LAMA4: variants seen among roughly 807,000 people sequenced by gnomAD.
LAMA4 encodes laminin subunit alpha 4, also known as laminin subunit alpha-4.
Under a neutral mutation model 207.1 loss-of-function variants are expected in LAMA4, and 127 were observed. The ratio of observed to expected loss-of-function variants is 0.61; its 90% CI spans 0.53 to 0.71. The LOEUF is 0.71. Among genes scored for constraint, LAMA4 ranks in the 30% least tolerant of loss-of-function variants. The pLI, the probability that LAMA4 is intolerant of heterozygous loss-of-function variation, is 0.00. For synonymous variants in LAMA4, 761 were observed against 816.0 expected (o/e 0.93, Z 1.15); for missense variants, 2,093 against 2,246.5 (o/e 0.93, Z 1.38).
chr6:112,187,325 A>G (rs1782744669), intron 8 of LAMA4, 125 bp downstream of exon 8: 23 of 1,061,018 alleles, frequency 2.2e-5, no homozygotes, highest in Non-Finnish European at 3.2e-5. Flanking sequence ...TGTTAGACCT[A>G]CAGGTCTAAC....
chr6:112,252,054 T>A (rs1378865974), intron 2 of LAMA4, among the ~76,000 whole-genome samples: 6 of 152,252 alleles, frequency 3.9e-5, no homozygotes, highest in African/African-American at 7.2e-5. Context: ...CTGATCATCA[T>A]CCACATTTTT....
At chr6:112,153,733 A>G (rs1211331360) in intron 16 of LAMA4, among the ~76,000 whole-genome samples, 1 of 152,168 alleles carries the variant, frequency 6.6e-6, no homozygotes, top group Non-Finnish European at 1.5e-5. Context: ...TAATATTCTA[A>G]TTCTTCACTA....
At chr6:112,190,517 T>A (rs1782954431) in intron 6 of LAMA4, among the ~76,000 whole-genome samples, 1 of 152,178 alleles carries the variant, frequency 6.6e-6, no homozygotes, top group Admixed American at 6.5e-5. Context: ...TATTTCCTGC[T>A]CTCCCACTCT....
chr6:112,161,659 A>G (rs139288688), intron 13 of LAMA4, among the ~76,000 whole-genome samples: 173 of 152,318 alleles, frequency 1.1e-3, no homozygotes, highest in African/African-American at 3.8e-3. Context: ...AAACAAGCAA[A>G]CAAGCTAATT....
At chr6:112,139,387 G>T in intron 23 of LAMA4, 96 bp from the exon 24 acceptor site, 1 of 1,311,836 alleles carries the variant, frequency 7.6e-7, no homozygotes, top group Non-Finnish European at 1.1e-6. Context: ...ATCTTCTGTG[G>T]ACCTTACAAC....
intron 5 of LAMA4, among the ~76,000 whole-genome samples, chr6:112,197,235 AC>A (rs1783473866): frequency 6.6e-6 from 1 of 152,134 alleles, no homozygotes; most frequent in South Asian, 2.1e-4. Context: ...CATGTCCAAC[AC>A]GGGGAGTTTA....
intron 22 of LAMA4, among the ~76,000 whole-genome samples, chr6:112,140,195 T>G (rs1450195117): frequency 6.6e-6 from 1 of 152,208 alleles, no homozygotes; most frequent in Non-Finnish European, 1.5e-5. Flanking sequence ...TCTCATATAA[T>G]GAGAGGGAAA....
At chr6:112,111,411 T>G (rs913460749) in intron 38 of LAMA4, among the ~76,000 whole-genome samples, 1 of 152,244 alleles carries the variant, frequency 6.6e-6, no homozygotes, top group Admixed American at 6.5e-5. Flanking sequence ...ACTTTTTTGG[T>G]GTGTAGTTCT....
At chr6:112,226,664 C>T (rs1235535664) in intron 2 of LAMA4, among the ~76,000 whole-genome samples, 4 of 152,158 alleles carry the variant, frequency 2.6e-5, no homozygotes, top group Non-Finnish European at 4.4e-5. Flanking sequence ...CATAGTCATT[C>T]GCAAATAGCA....
chr6:112,140,801 C>T lies in LAMA4; in HGVS notation c.2935G>A (p.Asp979Asn), dbSNP rs782472104. Reference protein sequence around the residue: ...DDSLLDLDPEDTVFYVGGVPS... With the variant: ...DDSLLDLDPENTVFYVGGVPS... ...ACTCCACCAACATAAAACACTGTGTCCTCAGGGTCCAGGTCCAGCAGAGAG... is the reference window on the plus strand; with the variant it reads ...ACTCCACCAACATAAAACACTGTGTTCTCAGGGTCCAGGTCCAGCAGAGAG... The change falls in exon 22 of 39, where the codon GAC (aspartate) becomes AAC (asparagine). Residue 979 changes from aspartate (D) to asparagine (N), a missense_variant. Coordinates refer to ENST00000230538, the MANE Select transcript of LAMA4 (RefSeq NM_001105206.3). The T allele has an allele frequency of 4.3e-6, 7 of 1,613,940 alleles. No homozygotes were observed. Among genetic ancestry groups the T allele is most frequent in the Non-Finnish European group, 5.1e-6 (6 of 1,179,980 alleles).
chr6:112,173,425 G>GACA (rs1781840595), intron 11 of LAMA4, among the ~76,000 whole-genome samples: 1 of 152,198 alleles, frequency 6.6e-6, no homozygotes, highest in South Asian at 2.1e-4. Flanking sequence ...TTGTCTTGTT[G>GACA]AGATTTTCTT....
In LAMA4 at chr6:112,178,126, A is replaced by G. The variant is rs535471835; in HGVS notation, c.1184T>C (p.Ile395Thr). The G allele has an allele frequency of 1.2e-6, 2 of 1,605,128 alleles. No individual in the cohort carries two copies. Among genetic ancestry groups the G allele is most frequent in the Admixed American group, 1.7e-5 (1 of 59,994 alleles). Residue 395 changes from isoleucine (I) to threonine (T), a missense_variant, in exon 10 of 39, where the codon ATC becomes ACC. By Grantham distance (89) the Ile-to-Thr change is moderately conservative. Transcript: ENST00000230538. ...VEQAHDMRDK[I>T]QEINNKMLYY... ...CCAGAAGAGAATATATTTACCTTGG[A>G]TTTTATCCCTCATATCATGGGCTTG... is the stretch of plus-strand genomic sequence containing the variant.
intron 22 of LAMA4, 135 bp from the exon 23 acceptor site, chr6:112,140,020 G>T (rs1265867108): frequency 1.2e-6 from 1 of 843,462 alleles, no homozygotes. Flanking sequence ...ACCCGAGTGT[G>T]TTTATGCCAA....
intron 9 of LAMA4, among the ~76,000 whole-genome samples, chr6:112,181,107 T>G (rs1345342042): frequency 6.6e-6 from 1 of 152,228 alleles, no homozygotes; most frequent in Non-Finnish European, 1.5e-5. Context: ...CCTGCCACTC[T>G]GGCCTCTCTT....
At chr6:112,175,571 G>T in intron 10 of LAMA4, 91 bp from the exon 11 acceptor site, 2 of 1,258,724 alleles carry the variant, frequency 1.6e-6, no homozygotes, top group South Asian at 1.2e-5. Context: ...GCAAAGGGCA[G>T]GGCTGATCCT....
chr6:112,150,029 G>A (rs1389778067), intron 17 of LAMA4, among the ~76,000 whole-genome samples: 1 of 152,050 alleles, frequency 6.6e-6, no homozygotes, highest in East Asian at 1.9e-4. Context: ...GTTTCTATTT[G>A]GTCTCTGGGC....
chr6:112,125,305 C>T (rs1367447550), intron 31 of LAMA4, among the ~76,000 whole-genome samples: 5 of 152,160 alleles, frequency 3.3e-5, no homozygotes, highest in African/African-American at 4.8e-5. Context: ...CCAGCTCAGG[C>T]TAATCTCTCT....
chr6:112,243,270 AC>A, intron 2 of LAMA4, among the ~76,000 whole-genome samples: 1 of 151,788 alleles, frequency 6.6e-6, no homozygotes, highest in South Asian at 2.1e-4. Context: ...GTTGTTAGGA[AC>A]CACCCCTCCC....
At chr6:112,199,655 C>A (rs899615471) in intron 5 of LAMA4, among the ~76,000 whole-genome samples, 1 of 151,712 alleles carries the variant, frequency 6.6e-6, no homozygotes, top group Admixed American at 6.6e-5. Context: ...TAAATAAATT[C>A]AAAAAAATCC....
Sources: allele counts gnomAD v4.1 joint callset (sites outside exome capture counted in the v4.1 genomes callset), GRCh38; gene constraint gnomAD v4.1.1; transcripts MANE v1.5; gene names NCBI Gene and HGNC (gene_info 2026-07-23, HGNC 2026-07-21).